The following KDM3B variants were observed in gnomAD, a reference collection of about 807,000 sequenced individuals.
KDM3B encodes lysine-specific demethylase 3B.
KDM3B carries 10 observed loss-of-function variants against 170.0 expected under a neutral mutation model. The observed-to-expected ratio is 0.06, with a 90% CI of 0.04 to 0.10. The LOEUF is 0.10. KDM3B is among the 10% of genes least tolerant of loss of function. The probability of loss-of-function intolerance (pLI) is 1.00; values close to 1 mark genes in which losing one functional copy is unlikely to be tolerated. For missense variants in KDM3B, 1,394 were observed against 2,195.2 expected (o/e 0.64, Z 7.29); for synonymous variants, 831 against 834.8 (o/e 1.00, Z 0.08).
intron 1 of KDM3B, 47 bp downstream of exon 1, chr5:138,353,034 T>C: frequency 1.1e-6 from 1 of 881,998 alleles, no homozygotes; most frequent in Non-Finnish European, 1.3e-6. Flanking sequence ...CTGCGGGGCC[T>C]GCGGGCGGCC....
chr5:138,427,589 A>G (rs1015122632), intron 19 of KDM3B, among the ~76,000 whole-genome samples: 1 of 152,214 alleles, frequency 6.6e-6, no homozygotes, highest in African/African-American at 2.4e-5. Context: ...ATTCTCGAGT[A>G]TAAGAGACTT....
intron 19 of KDM3B, among the ~76,000 whole-genome samples, chr5:138,427,654 T>G (rs1204004385): frequency 6.6e-6 from 1 of 152,208 alleles, no homozygotes; most frequent in African/African-American, 2.4e-5. Context: ...AGTGCTTTGT[T>G]AAGGCCAGGG....
rs10630854 is a variant in KDM3B, at chr5:138,410,093, A to AAAAAGAAAAG, written c.3200-5024_3200-5015dup. Among the ~76,000 whole-genome samples the AAAAAGAAAAG allele has an allele frequency of 1.8e-3, 275 of 150,924 alleles. 5 individuals carry two copies. Among genetic ancestry groups the AAAAAGAAAAG allele is most frequent in the Admixed American group, 0.014 (216 of 15,124 alleles). On this transcript the variant is annotated intron_variant, in intron 11 of 23. Coordinates refer to ENST00000314358, the MANE Select transcript of KDM3B (RefSeq NM_016604.4). ...TGAGCGAAACTCCTTCTTAAAAGAA[A>AAAAAGAAAAG]AAAAGAAAAGAAAAGAAAAGAAAAA...
chr5:138,384,445 T>A (rs1463761350), intron 6 of KDM3B, among the ~76,000 whole-genome samples: 1 of 150,260 alleles, frequency 6.7e-6, no homozygotes, highest in Non-Finnish European at 1.5e-5. Flanking sequence ...ACTAAAAAAA[T>A]ACAAAAATTA....
At chr5:138,400,649 C>CTGAGGCAGGAGGATCACCTG (rs1475925556) in intron 11 of KDM3B, among the ~76,000 whole-genome samples, 2 of 152,060 alleles carry the variant, frequency 1.3e-5, no homozygotes, top group African/African-American at 4.8e-5. Flanking sequence ...ACTCAGGAGG[C>CTGAGGCAGGAGGATCACCTG]TGAGGCAGGA....
intron 14 of KDM3B, among the ~76,000 whole-genome samples, chr5:138,419,882 T>G (rs995080246): frequency 1.3e-5 from 2 of 151,486 alleles, no homozygotes; most frequent in African/African-American, 2.4e-5. Context: ...GGGTTTTTTT[T>G]GTTTGTTTGT....
chr5:138,362,700 T>C (rs1425404440), intron 1 of KDM3B, among the ~76,000 whole-genome samples: 2 of 149,052 alleles, frequency 1.3e-5, no homozygotes, highest in Non-Finnish European at 3.0e-5. Flanking sequence ...TATAATTTTA[T>C]TATATAATTT....
intron 9 of KDM3B, 95 bp downstream of exon 9, chr5:138,393,467 T>G: frequency 9.4e-7 from 1 of 1,066,992 alleles, no homozygotes; most frequent in South Asian, 1.5e-5. Context: ...TTCATCATCT[T>G]GGTCTTTGCT....
At chr5:138,423,769 T>A (rs1763330522) in intron 15 of KDM3B, among the ~76,000 whole-genome samples, 1 of 152,248 alleles carries the variant, frequency 6.6e-6, no homozygotes, top group Non-Finnish European at 1.5e-5. Context: ...ACAGTCTACA[T>A]GCATGTGTGC....
chr5:138,363,931 G>A (rs4639219), intron 1 of KDM3B, among the ~76,000 whole-genome samples: 44,102 of 125,256 alleles, frequency 0.35, 7,479 homozygotes, highest in South Asian at 0.46. Flanking sequence ...TTTTTTTTTC[G>A]AGATGGAGTC....
At chr5:138,358,492 G>A (rs1761514304) in intron 1 of KDM3B, among the ~76,000 whole-genome samples, 1 of 151,236 alleles carries the variant, frequency 6.6e-6, no homozygotes, top group Admixed American at 6.6e-5. Flanking sequence ...TATTAGTAGA[G>A]ACGGGGTTTC....
chr5:138,358,278 G>C (rs1311930712), intron 1 of KDM3B, among the ~76,000 whole-genome samples: 1 of 150,114 alleles, frequency 6.7e-6, no homozygotes, highest in Non-Finnish European at 1.5e-5. Flanking sequence ...CACCGCGCTC[G>C]GCGGGAATTT....
chr5:138,374,332 G>C, intron 2 of KDM3B: 1 of 431,490 alleles, frequency 2.3e-6, no homozygotes, highest in Non-Finnish European at 4.7e-6. Context: ...GCTCGATCTC[G>C]GCTCACCACC....
At chr5:138,398,714 A>G (rs781577121) in intron 10 of KDM3B, among the ~76,000 whole-genome samples, 3 of 151,970 alleles carry the variant, frequency 2.0e-5, no homozygotes, top group Non-Finnish European at 4.4e-5. Context: ...CTTTGAACCA[A>G]TTTGTATTAA....
intron 2 of KDM3B, among the ~76,000 whole-genome samples, chr5:138,374,595 T>C (rs1761951708): frequency 6.6e-6 from 1 of 152,236 alleles, no homozygotes; most frequent in Non-Finnish European, 1.5e-5. Context: ...GTTGAACTTT[T>C]AGGAGAAGCT....
At chr5:138,372,215 T>G (rs1218202932) in intron 1 of KDM3B, among the ~76,000 whole-genome samples, 1 of 152,232 alleles carries the variant, frequency 6.6e-6, no homozygotes, top group Non-Finnish European at 1.5e-5. Flanking sequence ...CATCACCTAT[T>G]CAAAAAATAA....
chr5:138,410,093 AAAAAG>A (rs10630854), intron 11 of KDM3B, among the ~76,000 whole-genome samples: 72 of 150,926 alleles, frequency 4.8e-4, no homozygotes, highest in Non-Finnish European at 7.2e-4. Context: ...CTTAAAAGAA[AAAAAG>A]AAAAGAAAAG....
intron 1 of KDM3B, among the ~76,000 whole-genome samples, chr5:138,368,259 G>T (rs1182344942): frequency 6.7e-6 from 1 of 149,304 alleles, no homozygotes; most frequent in African/African-American, 2.5e-5. Context: ...TGGAGACAGG[G>T]TCTCACTCTG....
intron 17 of KDM3B, 63 bp from the exon 18 acceptor site, chr5:138,426,912 C>A: frequency 3.3e-5 from 34 of 1,027,100 alleles, no homozygotes; most frequent in African/African-American, 4.8e-5. Flanking sequence ...CCAAAAGTTA[C>A]TGTTGAAAAT....
Sources: allele counts gnomAD v4.1 joint callset (sites outside exome capture counted in the v4.1 genomes callset), GRCh38; gene constraint gnomAD v4.1.1; transcripts MANE v1.5; gene names NCBI Gene and HGNC (gene_info 2026-07-23, HGNC 2026-07-21).